OLAH: variants seen among roughly 807,000 people sequenced by gnomAD.
OLAH encodes the protein oleoyl-ACP hydrolase, also known as S-acyl fatty acid synthase thioesterase, medium chain.
A neutral mutation model predicts 27.8 loss-of-function variants in OLAH; 33 were observed. The ratio of observed to expected loss-of-function variants is 1.19; its 90% confidence interval spans 0.90 to 1.59. OLAH has a LOEUF of 1.59. Among genes scored for constraint, OLAH ranks in the 40% most tolerant of loss-of-function variants. OLAH has a pLI of 0.00. For synonymous variants in OLAH, 120 were observed against 102.9 expected, an observed-to-expected ratio of 1.17 and a Z score of -1.01; for missense variants, 359 against 310.8, an observed-to-expected ratio of 1.16 and a Z score of -1.17.
chr10:15,063,221 G>T (rs564314388), intron 4 of OLAH, among the ~76,000 whole-genome samples: 1 of 152,260 alleles, frequency 6.6e-6, no homozygotes, highest in East Asian at 1.9e-4. Context: ...CTGTCTGCCA[G>T]GCTCAAGTGA....
At chr10:15,057,621 G>T (rs180805159) in intron 3 of OLAH, among the ~76,000 whole-genome samples, 16 of 152,036 alleles carry the variant, frequency 1.1e-4, no homozygotes, top group African/African-American at 3.9e-4. Context: ...CCTGACTTCA[G>T]GTGATCCACC....
At chr10:15,064,565 A>C in intron 5 of OLAH, 63 bp downstream of exon 5, 1 of 920,764 alleles carries the variant, frequency 1.1e-6, no homozygotes, top group Non-Finnish European at 1.7e-6. Context: ...GATAAAAATA[A>C]GCCATTATTT....
rs764484977 is a variant in OLAH at position 15,065,662 on chromosome 10, G to A, written c.481G>A (p.Gly161Ser). 3.1e-6 allele frequency: 5 copies of A among 1,614,118 alleles called. No homozygotes were observed. Among genetic ancestry groups the A allele is most frequent in the Non-Finnish European group, 4.2e-6 (5 of 1,180,012 alleles). Residue 161 changes from glycine to serine, a missense_variant, in exon 6 of 8, where the codon GGC (glycine) becomes AGC (serine). Coordinates refer to ENST00000378228, the MANE Select transcript of OLAH (RefSeq NM_001039702.3). Reference sequence around the variant, plus strand: ...AAGTCATTACCTTATGGAATTTGGAGGCACCCCCAAGCATTTTGCTGAAGC... The same window carrying A: ...AAGTCATTACCTTATGGAATTTGGAAGCACCCCCAAGCATTTTGCTGAAGC... The part of the protein sequence containing the change: ...QISHYLMEFG[G>S]TPKHFAEAKE...
At chr10:15,043,816 T>C (rs1843964530), upstream of OLAH, 1 of 152,192 alleles carries the variant, frequency 6.6e-6, no homozygotes, top group Non-Finnish European at 1.5e-5. Context: ...AGATGGTACA[T>C]TGTGTCTCCT....
chr10:15,043,993 A>G lies in OLAH; in HGVS notation c.-164+7A>G, dbSNP rs1417174224. 6.6e-6 allele frequency: 1 copy of G among 152,172 alleles called. No homozygotes were observed. Among genetic ancestry groups the G allele is most frequent in the Non-Finnish European group, 1.5e-5 (1 of 68,032 alleles). 9.4% of individuals were successfully genotyped at this position (152,172 alleles called of 1,614,324 possible). ...TCATCTCAAAGCCTGGCAAGTGAGT[A>G]TCTTATATTTTAAATTATCTAAAAA... On this transcript the variant is annotated splice_region_variant and intron_variant, in intron 1 of 7. Coordinates refer to ENST00000378228, the MANE Select transcript of OLAH (RefSeq NM_001039702.3).
chr10:15,049,453 A>G (rs1265774058), intron 2 of OLAH, among the ~76,000 whole-genome samples, 182 bp from the exon 3 acceptor site: 1 of 152,138 alleles, frequency 6.6e-6, no homozygotes. Context: ...ATGTATTCAA[A>G]TTGTCAACAC....
chr10:15,054,837 G>C (rs1169465821), intron 3 of OLAH, among the ~76,000 whole-genome samples: 1 of 151,752 alleles, frequency 6.6e-6, no homozygotes, highest in Non-Finnish European at 1.5e-5. Flanking sequence ...CAATTTTTTT[G>C]GTCTATTTCT....
chr10:15,038,224 T>C (rs1481475819), intron 1 of OLAH, among the ~76,000 whole-genome samples: 1 of 152,228 alleles, frequency 6.6e-6, no homozygotes, highest in East Asian at 1.9e-4. Flanking sequence ...AGGAAGTAAC[T>C]AACTTGCTTT....
In OLAH at chr10:15,071,787, G is replaced by A. The variant is rs1844591454; in HGVS notation, c.573-8G>A. The A allele has an allele frequency of 6.2e-7, 1 of 1,605,214 alleles. No homozygotes were observed. The highest frequency in any genetic ancestry group is 8.5e-7 in the Non-Finnish European group (1 of 1,173,518). On this transcript the variant is annotated splice_polypyrimidine_tract_variant and splice_region_variant and intron_variant, in intron 6 of 7. Coordinates refer to ENST00000378228, the MANE Select transcript of OLAH (RefSeq NM_001039702.3). ...AACAATTACTAACCAGCTCTTTTAT[G>A]TTTATAGCTCTAACGTACCATCTAA...
chr10:15,039,953 C>T (rs1843896809), upstream of OLAH, among the ~76,000 whole-genome samples: 1 of 152,212 alleles, frequency 6.6e-6, no homozygotes, highest in Non-Finnish European at 1.5e-5. Flanking sequence ...AACCCCTGAA[C>T]CTCACAGTTC....
intron 6 of OLAH, among the ~76,000 whole-genome samples, chr10:15,067,660 A>G (rs1184373878): frequency 6.6e-6 from 1 of 152,196 alleles, no homozygotes; most frequent in African/African-American, 2.4e-5. Flanking sequence ...CACAAATTTT[A>G]ACGTCCTCTC....
At chr10:15,062,595 A>G (rs555009131) in intron 4 of OLAH, among the ~76,000 whole-genome samples, 1 of 150,776 alleles carries the variant, frequency 6.6e-6, no homozygotes, top group East Asian at 1.9e-4. Context: ...TAGTAATATT[A>G]AATTAAATAT....
chr10:15,043,055 T>G (rs546248254), upstream of OLAH, among the ~76,000 whole-genome samples: 1 of 151,918 alleles, frequency 6.6e-6, no homozygotes, highest in Non-Finnish European at 1.5e-5. Context: ...AGAGATGGGG[T>G]TTCACCATGT....
intron 2 of OLAH, among the ~76,000 whole-genome samples, chr10:15,048,930 C>A (rs1344543466): frequency 6.6e-6 from 1 of 151,812 alleles, no homozygotes; most frequent in Admixed American, 6.6e-5. Context: ...GGAGAAACCC[C>A]GTCTCTACTA....
At chr10:15,070,780 CT>C (rs71390010) in intron 6 of OLAH, among the ~76,000 whole-genome samples, 15,377 of 99,904 alleles carry the variant, frequency 0.15, 780 homozygotes, top group East Asian at 0.31. Flanking sequence ...CACGCCTGAA[CT>C]TTTTTTTTTT....
intron 3 of OLAH, among the ~76,000 whole-genome samples, chr10:15,059,285 C>T (rs945459383): frequency 6.7e-6 from 1 of 148,990 alleles, no homozygotes; most frequent in Non-Finnish European, 1.5e-5. Context: ...CTCCCAGGCT[C>T]AAGCAATCCT....
intron 3 of OLAH, among the ~76,000 whole-genome samples, chr10:15,055,721 G>A (rs1031719241): frequency 2.0e-5 from 3 of 152,016 alleles, no homozygotes; most frequent in South Asian, 2.1e-4. Context: ...AAACTTAACC[G>A]TGTCCACTGC....
At chr10:15,035,551 C>T (rs1179239820) in intron 1 of OLAH, among the ~76,000 whole-genome samples, 1 of 152,102 alleles carries the variant, frequency 6.6e-6, no homozygotes, top group African/African-American at 2.4e-5. Context: ...AACTCACTAT[C>T]TCTGAGACAG....
intron 1 of OLAH, among the ~76,000 whole-genome samples, chr10:15,036,972 C>T (rs920212504): frequency 6.6e-6 from 1 of 150,984 alleles, no homozygotes. Context: ...CCAGATACTC[C>T]GGAGGCTGAG....
Sources: gnomAD v4.1 joint callset for allele counts (sites outside exome capture counted in the v4.1 genomes callset) on GRCh38, gnomAD v4.1.1 for gene constraint, MANE v1.5 for transcripts, NCBI Gene and HGNC (gene_info 2026-07-23, HGNC 2026-07-21) for gene names.